The following KCNQ1 variants were observed in gnomAD, a reference collection of about 807,000 sequenced individuals.
The protein encoded by KCNQ1 is potassium voltage-gated channel subfamily KQT member 1.
KCNQ1 carries 49 observed loss-of-function variants against 72.4 expected under a neutral mutation model. That is an observed-to-expected ratio of 0.68 (90% CI 0.54 to 0.86). KCNQ1 has a LOEUF of 0.86. KCNQ1 is among the 40% of genes least tolerant of loss of function. KCNQ1 has a pLI of 0.00. For missense variants in KCNQ1, 790 were observed against 945.1 expected, an observed-to-expected ratio of 0.84 and a Z score of 2.15; for synonymous variants, 450 against 412.6, an observed-to-expected ratio of 1.09 and a Z score of -1.10.
chr11:2,757,074 C>T (rs946442641), intron 11 of KCNQ1, among the ~76,000 whole-genome samples: 5 of 150,820 alleles, frequency 3.3e-5, no homozygotes, highest in Admixed American at 1.3e-4. Context: ...GTTCTCACCA[C>T]TTCTATTCAA....
chr11:2,502,312 A>T (rs1847030126), intron 1 of KCNQ1, among the ~76,000 whole-genome samples: 1 of 152,242 alleles, frequency 6.6e-6, no homozygotes, highest in Non-Finnish European at 1.5e-5. Context: ...GACCCCACAA[A>T]AAAACTATTA....
intron 15 of KCNQ1, among the ~76,000 whole-genome samples, chr11:2,811,626 G>C (rs866287691): frequency 1.2e-4 from 19 of 152,224 alleles, no homozygotes; most frequent in African/African-American, 3.9e-4. Context: ...CCTCCTTCTG[G>C]GCTGCGGTCT....
chr11:2,739,259 C>G (rs926282242), intron 11 of KCNQ1, among the ~76,000 whole-genome samples: 1 of 152,218 alleles, frequency 6.6e-6, no homozygotes, highest in Admixed American at 6.5e-5. Flanking sequence ...ACCAACCCAG[C>G]CCCTGTGTGA....
At position 2,488,545 on chromosome 11, in the gene KCNQ1, T is replaced by G. The variant is rs950464073; in HGVS notation, c.387-39383T>G. 3.9e-5 allele frequency among the ~76,000 whole-genome samples: 6 copies of G among 152,356 alleles called. No individual in the cohort carries two copies. Among genetic ancestry groups the G allele is most frequent in the African/African-American group, 9.6e-5 (4 of 41,590 alleles). ...AATCTCCTCACTAGTTATAGGTCCA[T>G]GAAGATTTTGTATTTCTTTGTGATT... On this transcript the variant is annotated intron_variant, in intron 1 of 15. Transcript: ENST00000155840. This position sits in a 1 kb window ranked among gnomAD's most constrained non-coding sequence, Gnocchi z 5.1.
chr11:2,703,553 C>T lies in KCNQ1; in HGVS notation c.1514+41472C>T, dbSNP rs1236171283. ...GGCTCAAAACGTCCACTCGGCTTTT[C>T]TCTTGATTCCAAGGTATTTAGAGTG... On this transcript the variant is annotated intron_variant, in intron 11 of 15. Coordinates refer to ENST00000155840, the MANE Select transcript of KCNQ1 (RefSeq NM_000218.3). This position sits in a 1 kb window ranked among gnomAD's most constrained non-coding sequence, Gnocchi z 6.4. 6.6e-6 allele frequency among the ~76,000 whole-genome samples: 1 copy of T among 152,202 alleles called. No individual in the cohort carries two copies. Among genetic ancestry groups the T allele is most frequent in the Non-Finnish European group, 1.5e-5 (1 of 68,044 alleles).
chr11:2,581,693 G>A (rs571953234), intron 6 of KCNQ1, among the ~76,000 whole-genome samples: 1 of 152,392 alleles, frequency 6.6e-6, no homozygotes, highest in Non-Finnish European at 1.5e-5. Context: ...TGTGACGCAC[G>A]TGCGTGTGCC....
chr11:2,681,596 G>A, intron 11 of KCNQ1: 2 of 398,302 alleles, frequency 5.0e-6, no homozygotes, highest in East Asian at 7.1e-5. Context: ...TAGCTTGCTT[G>A]CTCACTCGCT....
In KCNQ1 at chr11:2,832,226, T is replaced by G. The variant is rs138077308; in HGVS notation, c.1795-15541T>G. On this transcript the variant is annotated intron_variant, in intron 15 of 15. Coordinates refer to ENST00000155840, the MANE Select transcript of KCNQ1 (RefSeq NM_000218.3). ...GCACAGTGGGGGTTGCCCGGCATCT[T>G]GGCAGATGGGCAGCGTTAGAGAAGC... Among the ~76,000 whole-genome samples the G allele has an allele frequency of 3.8e-3, 582 of 152,306 alleles. 7 individuals are homozygous for G. The highest frequency in any genetic ancestry group is 0.013 in the African/African-American group (556 of 41,588).
rs931604327 is a variant in KCNQ1, at chr11:2,550,308, G to A, written c.478-20320G>A. Reference sequence around the variant, plus strand: ...GCCGTGGCGCGGCGCCTGGATTTCCGACACACTGCAGCATCTGCATCCTTG... The same window carrying A: ...GCCGTGGCGCGGCGCCTGGATTTCCAACACACTGCAGCATCTGCATCCTTG... On this transcript the variant is annotated intron_variant, in intron 2 of 15. Transcript: ENST00000155840. This position sits in a 1 kb window ranked among gnomAD's most constrained non-coding sequence, Gnocchi z 6.0. Among the ~76,000 whole-genome samples the A allele has an allele frequency of 2.0e-5, 3 of 152,184 alleles. No homozygotes were observed. Among genetic ancestry groups the A allele is most frequent in the South Asian group, 2.1e-4 (1 of 4,838 alleles).
chr11:2,605,183 G>C (rs762486608), intron 10 of KCNQ1, among the ~76,000 whole-genome samples: 46 of 152,186 alleles, frequency 3.0e-4, no homozygotes, highest in Admixed American at 4.6e-4. Context: ...TATATATCCA[G>C]TAACAAGTCC....
In KCNQ1 at chr11:2,612,728, G is replaced by T. The variant is rs545583697; in HGVS notation, c.1393+23874G>T. The T allele has an allele frequency of 5.0e-6, 2 of 398,450 alleles. No homozygotes were observed. Among genetic ancestry groups the T allele is most frequent in the Admixed American group, 4.4e-5 (1 of 22,724 alleles). The allele number at this position is 398,450 out of a possible 1,614,324, so 24.7% of individuals were successfully genotyped here. On this transcript the variant is annotated intron_variant, in intron 10 of 15. Coordinates refer to ENST00000155840, the MANE Select transcript of KCNQ1 (RefSeq NM_000218.3). This position sits in a 1 kb window ranked among gnomAD's most constrained non-coding sequence, Gnocchi z 5.5. Reference sequence around the variant, plus strand: ...TTGAAATCGCGCCCTAACATTTGGGGCCCTTCAGAGATAATTCCTATTTAT... The same window carrying T: ...TTGAAATCGCGCCCTAACATTTGGGTCCCTTCAGAGATAATTCCTATTTAT...
Position 2,683,777 on chromosome 11 carries a change from C to G in KCNQ1, c.1514+21696C>G. The G allele has an allele frequency of 2.5e-6, 1 of 398,636 alleles. No individual in the cohort carries two copies. Among genetic ancestry groups the G allele is most frequent in the East Asian group, 3.6e-5 (1 of 28,076 alleles). 24.7% of individuals were successfully genotyped at this position (398,636 alleles called of 1,614,324 possible). A position where few individuals can be genotyped will look rare whatever the true frequency, so the allele number is the denominator to read the frequency against. On this transcript the variant is annotated intron_variant, in intron 11 of 15. Coordinates refer to ENST00000155840, the MANE Select transcript of KCNQ1 (RefSeq NM_000218.3). This position sits in a 1 kb window ranked among gnomAD's most constrained non-coding sequence, Gnocchi z 4.7. Reference sequence around the variant, plus strand: ...AGATGACATGGGCCTCTAAGGCTGGCTGCTCTTACTCTATACCCCAAAATC... The same window carrying G: ...AGATGACATGGGCCTCTAAGGCTGGGTGCTCTTACTCTATACCCCAAAATC...
chr11:2,636,073 G>A (rs1849459582), intron 10 of KCNQ1: 1 of 152,208 alleles, frequency 6.6e-6, no homozygotes, highest in Non-Finnish European at 1.5e-5. Flanking sequence ...ATCAGCTTAA[G>A]GAGATTTTGG....
rs750656168 is a variant in KCNQ1 at position 2,848,600 on chromosome 11, A to C, written c.*597A>C. ...GACTGCTCCTGAGCCCCCAGCTTCC[A>C]GCAGGAGGGACAGTCTCACCATTTC... On this transcript the variant is annotated 3_prime_UTR_variant, in exon 16 of 16. Transcript: ENST00000155840. 6.6e-6 allele frequency: 3 copies of C among 453,688 alleles called. No individual in the cohort carries two copies. The highest frequency in any genetic ancestry group is 4.0e-5 in the African/African-American group (2 of 50,010). The allele number at this position is 453,688 out of a possible 1,614,324, so 28.1% of individuals were successfully genotyped here.
rs422316 is a variant in KCNQ1, at chr11:2,734,104, A to G, written c.1515-34740A>G. 0.49 allele frequency among the ~76,000 whole-genome samples: 73,692 copies of G among 151,906 alleles called. 18,096 individuals carry two copies. The highest frequency in any genetic ancestry group is 0.53 in the Middle Eastern group (157 of 294). The stretch of plus-strand genomic sequence containing the variant: ...GCCTCTGATCACAGGCACAGTTTCA[A>G]GCTTGTCTAGCACTGGCAGGGGTGG... On this transcript the variant is annotated intron_variant, in intron 11 of 15. Coordinates refer to ENST00000155840, the MANE Select transcript of KCNQ1 (RefSeq NM_000218.3). This position sits in a 1 kb window ranked among gnomAD's most constrained non-coding sequence, Gnocchi z 7.0.
intron 2 of KCNQ1, among the ~76,000 whole-genome samples, chr11:2,539,339 T>C (rs1356291783): frequency 1.3e-5 from 2 of 152,210 alleles, no homozygotes; most frequent in Non-Finnish European, 2.9e-5. Flanking sequence ...CCCTGTCGGC[T>C]GGTTCCATCG....
chr11:2,770,233 C>T (rs1482549110), intron 12 of KCNQ1, among the ~76,000 whole-genome samples: 1 of 152,206 alleles, frequency 6.6e-6, no homozygotes, highest in Non-Finnish European at 1.5e-5. Flanking sequence ...CCTGGAGCCA[C>T]CTCAGCCTCC....
intron 10 of KCNQ1, chr11:2,644,431 C>G (rs545433265): frequency 1.3e-5 from 5 of 398,198 alleles, no homozygotes; most frequent in African/African-American, 6.2e-5. Context: ...CTGTTTGGTT[C>G]TTTTTATATC....
intron 15 of KCNQ1, among the ~76,000 whole-genome samples, chr11:2,812,758 A>G (rs533156961): frequency 6.6e-5 from 10 of 152,038 alleles, no homozygotes; most frequent in Non-Finnish European, 1.5e-5. Flanking sequence ...CACGCCCCCG[A>G]GGCCCCACGC....
Sources: gnomAD v4.1 joint callset for allele counts (sites outside exome capture counted in the v4.1 genomes callset) on GRCh38, gnomAD v4.1.1 for gene constraint, Gnocchi (gnomAD v3.1) non-coding constraint, MANE v1.5 for transcripts, NCBI Gene and HGNC (gene_info 2026-07-23, HGNC 2026-07-21) for gene names.